TMEM108: variants seen among roughly 807,000 people sequenced by gnomAD.
TMEM108 encodes the protein cancer/testis antigen 124.
Under a neutral mutation model 35.1 loss-of-function variants are expected in TMEM108, and 12 were observed. That is an observed-to-expected ratio of 0.34 (90% CI 0.22 to 0.55). TMEM108 has a LOEUF of 0.55. Ranked by LOEUF, TMEM108 falls within the 20% of genes least tolerant of loss-of-function variation. The probability of loss-of-function intolerance (pLI) is 0.89; values close to 1 mark genes in which losing one functional copy is unlikely to be tolerated. For synonymous variants in TMEM108, 287 were observed against 308.6 expected (o/e 0.93, Z 0.73); for missense variants, 680 against 753.3 (o/e 0.90, Z 1.14).
intron 2 of TMEM108, among the ~76,000 whole-genome samples, chr3:133,160,074 C>T (rs557098857): frequency 6.6e-6 from 1 of 152,328 alleles, no homozygotes; most frequent in South Asian, 2.1e-4. Context: ...TGGAGGACTA[C>T]AGGATTTTCC....
At chr3:133,367,999 G>A (rs1276424975) in intron 3 of TMEM108, among the ~76,000 whole-genome samples, 4 of 152,202 alleles carry the variant, frequency 2.6e-5, no homozygotes, top group Non-Finnish European at 5.9e-5. Context: ...TGGCTTTGGA[G>A]AATTTGAAGC....
At chr3:133,216,694 T>C (rs577800286) in intron 2 of TMEM108, among the ~76,000 whole-genome samples, 6 of 152,098 alleles carry the variant, frequency 3.9e-5, no homozygotes, top group African/African-American at 1.4e-4. Context: ...ATGGTAGTTG[T>C]TTTTCTGTGC....
chr3:133,239,795 C>A (rs1946288075), intron 3 of TMEM108, among the ~76,000 whole-genome samples: 1 of 152,152 alleles, frequency 6.6e-6, no homozygotes, highest in Admixed American at 6.5e-5. Context: ...CTCACTTGGG[C>A]TACATGATGG....
At chr3:133,313,167 A>C (rs2071154868) in intron 3 of TMEM108, among the ~76,000 whole-genome samples, 1 of 151,698 alleles carries the variant, frequency 6.6e-6, no homozygotes, top group Admixed American at 6.6e-5. Flanking sequence ...CATTTTCAAA[A>C]TTTCTGGATA....
intron 4 of TMEM108, among the ~76,000 whole-genome samples, chr3:133,385,428 A>G (rs2073122947): frequency 6.6e-6 from 1 of 152,098 alleles, no homozygotes; most frequent in Non-Finnish European, 1.5e-5. Context: ...GTGGGCTTCT[A>G]CAGGCACATT....
In TMEM108 at chr3:133,371,613, C is replaced by CAAAAAAAAAAAAAAAAAAAAAA. The variant is rs3054624; in HGVS notation, c.41-8134_41-8113dup. Among the ~76,000 whole-genome samples, 15 of 78,098 alleles carry CAAAAAAAAAAAAAAAAAAAAAA rather than the reference C, an allele frequency of 1.9e-4. 2 individuals are homozygous for CAAAAAAAAAAAAAAAAAAAAAA. The highest frequency in any genetic ancestry group is 8.3e-4 in the African/African-American group (14 of 16,948). 51.2% of individuals were successfully genotyped at this position (78,098 alleles called of 152,430 possible). A position where few individuals can be genotyped will look rare whatever the true frequency, so the allele number is the denominator to read the frequency against. On this transcript the variant is annotated intron_variant, in intron 3 of 5. Transcript: ENST00000321871. ...ATCACTGCAGCCAGTCACAAACCCA[C>CAAAAAAAAAAAAAAAAAAAAAA]AAAAAAAAAAAAAAAAAAAAAAAAA...
intron 2 of TMEM108, among the ~76,000 whole-genome samples, chr3:133,072,518 A>C (rs1475994521): frequency 1.3e-5 from 2 of 152,122 alleles, no homozygotes; most frequent in Non-Finnish European, 2.9e-5. Context: ...GTCAGTTACC[A>C]CATTTAATGT....
intron 2 of TMEM108, among the ~76,000 whole-genome samples, chr3:133,127,562 T>C (rs1055671281): frequency 6.6e-6 from 1 of 152,208 alleles, no homozygotes; most frequent in African/African-American, 2.4e-5. Flanking sequence ...AACCACACTA[T>C]CTCCACCCTT....
chr3:133,204,162 T>A (rs1945715329), intron 2 of TMEM108, among the ~76,000 whole-genome samples: 1 of 152,178 alleles, frequency 6.6e-6, no homozygotes, highest in African/African-American at 2.4e-5. Context: ...TCATTTTTTA[T>A]TGTACCTATT....
At chr3:133,162,196 T>C (rs1316328749) in intron 2 of TMEM108, among the ~76,000 whole-genome samples, 2 of 152,108 alleles carry the variant, frequency 1.3e-5, no homozygotes, top group Non-Finnish European at 2.9e-5. Flanking sequence ...TTAATCTTGG[T>C]ATCCCACTAC....
At chr3:133,338,141 T>C (rs1293559631) in intron 3 of TMEM108, among the ~76,000 whole-genome samples, 3 of 152,116 alleles carry the variant, frequency 2.0e-5, no homozygotes, top group Non-Finnish European at 4.4e-5. Context: ...AGAAAGTTTA[T>C]TGAAAGGGAT....
At chr3:133,323,915 T>C (rs551739762) in intron 3 of TMEM108, among the ~76,000 whole-genome samples, 1 of 151,870 alleles carries the variant, frequency 6.6e-6, no homozygotes, top group Non-Finnish European at 1.5e-5. Context: ...AACAAAAACA[T>C]AAAGTCAGGA....
chr3:133,178,553 T>A (rs1393359931), intron 2 of TMEM108, among the ~76,000 whole-genome samples: 1 of 152,050 alleles, frequency 6.6e-6, no homozygotes, highest in African/African-American at 2.4e-5. Flanking sequence ...AAACAAGCAA[T>A]GGGGAAAGGA....
At chr3:133,049,842 C>G (rs1943382523) in intron 2 of TMEM108, among the ~76,000 whole-genome samples, 1 of 152,112 alleles carries the variant, frequency 6.6e-6, no homozygotes, top group Non-Finnish European at 1.5e-5. Context: ...ACCTCCCCTA[C>G]TTCCAATTTC....
At chr3:133,283,217 A>G (rs1388632695) in intron 3 of TMEM108, among the ~76,000 whole-genome samples, 3 of 152,194 alleles carry the variant, frequency 2.0e-5, no homozygotes, top group East Asian at 1.9e-4. Context: ...CTACCTCTGG[A>G]TTTAAGCAAA....
chr3:133,250,393 A>G (rs982543617), intron 3 of TMEM108, among the ~76,000 whole-genome samples: 1 of 152,226 alleles, frequency 6.6e-6, no homozygotes, highest in African/African-American at 2.4e-5. Flanking sequence ...TTTGTTAATA[A>G]CATTTTCCTT....
chr3:133,333,335 C>A (rs1182363791), intron 3 of TMEM108, among the ~76,000 whole-genome samples: 1 of 151,454 alleles, frequency 6.6e-6, no homozygotes, highest in Non-Finnish European at 1.5e-5. Flanking sequence ...TTTTCACCTT[C>A]TTTACTCTGC....
intron 3 of TMEM108, among the ~76,000 whole-genome samples, chr3:133,358,939 A>G (rs1396435591): frequency 6.6e-6 from 1 of 151,924 alleles, no homozygotes; most frequent in African/African-American, 2.4e-5. Flanking sequence ...CCCCACCTCA[A>G]CCCCTGCCAT....
At chr3:133,376,424 C>T (rs2072841610) in intron 3 of TMEM108, among the ~76,000 whole-genome samples, 1 of 152,094 alleles carries the variant, frequency 6.6e-6, no homozygotes, top group Non-Finnish European at 1.5e-5. Context: ...GGTGCCTGGC[C>T]CCAGAGATTC....
Sources: allele counts gnomAD v4.1 joint callset (sites outside exome capture counted in the v4.1 genomes callset), GRCh38; gene constraint gnomAD v4.1.1; transcripts MANE v1.5; gene names NCBI Gene and HGNC (gene_info 2026-07-23, HGNC 2026-07-21).